MAJIN: variants seen among roughly 807,000 people sequenced by gnomAD.
MAJIN encodes membrane anchored junction protein, also known as membrane-anchored junction protein.
A neutral mutation model predicts 30.2 loss-of-function variants in MAJIN; 27 were observed. The ratio of observed to expected loss-of-function variants is 0.89; its 90% confidence interval spans 0.66 to 1.23. The LOEUF (loss-of-function observed/expected upper bound fraction) is 1.23. MAJIN is among the 50% of genes most tolerant of loss of function. The pLI, the probability that MAJIN is intolerant of heterozygous loss-of-function variation, is 0.00. For missense variants in MAJIN, 253 were observed against 260.3 expected (o/e 0.97, Z 0.19); for synonymous variants, 78 against 91.6 (o/e 0.85, Z 0.85).
At chr11:64,939,969 A>C in intron 9 of MAJIN, 1 of 471,344 alleles carries the variant, frequency 2.1e-6, no homozygotes, top group Non-Finnish European at 3.8e-6. Flanking sequence ...ATTTTCAGTC[A>C]AGCTCCTGGG....
chr11:64,966,335 G>GACC (rs895963018), intron 1 of MAJIN, among the ~76,000 whole-genome samples: 2 of 151,702 alleles, frequency 1.3e-5, no homozygotes, highest in African/African-American at 4.8e-5. Flanking sequence ...AGGAGTTCAA[G>GACC]ACCAGCCTGG....
At chr11:64,957,069 ATT>A (rs796423142) in intron 3 of MAJIN, among the ~76,000 whole-genome samples, 1 of 146,316 alleles carries the variant, frequency 6.8e-6, no homozygotes, top group African/African-American at 2.5e-5. Flanking sequence ...GCCTGGCCTG[ATT>A]TTTTTTTTCT....
chr11:64,971,060 C>T (rs1226699312), intron 1 of MAJIN, among the ~76,000 whole-genome samples: 1 of 151,908 alleles, frequency 6.6e-6, no homozygotes, highest in Non-Finnish European at 1.5e-5. Context: ...TTTGGGATGC[C>T]GAGGCGGGTG....
At chr11:64,960,183 A>G (rs749790156) in intron 1 of MAJIN, 48 bp from the exon 2 acceptor site, 1 of 152,190 alleles carries the variant, frequency 6.6e-6, no homozygotes, top group Admixed American at 6.5e-5. Flanking sequence ...ATAAATAATT[A>G]GAGGAGATCC....
intron 1 of MAJIN, among the ~76,000 whole-genome samples, chr11:64,969,311 T>C (rs1228094342): frequency 6.6e-6 from 1 of 152,080 alleles, no homozygotes; most frequent in Non-Finnish European, 1.5e-5. Context: ...CACCAGTGTT[T>C]AGATGGTATG....
intron 8 of MAJIN, chr11:64,946,121 C>T: frequency 6.5e-7 from 1 of 1,534,982 alleles, no homozygotes; most frequent in Non-Finnish European, 8.7e-7. Context: ...CTTCTTTTTG[C>T]TGGGGCCTTG....
chr11:64,955,052 C>T (rs1028329027), intron 3 of MAJIN, among the ~76,000 whole-genome samples: 2 of 152,226 alleles, frequency 1.3e-5, no homozygotes, highest in African/African-American at 4.8e-5. Context: ...TCATTGGTTA[C>T]AACAGTTGTA....
At chr11:64,938,978 G>A (rs1305096338) in intron 10 of MAJIN, among the ~76,000 whole-genome samples, 4 of 152,160 alleles carry the variant, frequency 2.6e-5, no homozygotes, top group Non-Finnish European at 4.4e-5. Context: ...TGTCCAGGCT[G>A]GAGTGCAATG....
rs776905673 is a variant in MAJIN at position 64,949,798 on chromosome 11, TG to T, written c.293del (p.Pro98HisfsTer10). 11 of 1,611,972 alleles carry T rather than the reference TG, an allele frequency of 6.8e-6. No homozygotes were observed. Among genetic ancestry groups the T allele is most frequent in the Non-Finnish European group, 9.3e-6 (11 of 1,179,566 alleles). On this transcript the variant is annotated frameshift_variant, in exon 6 of 11. Coordinates refer to ENST00000301896, the MANE Select transcript of MAJIN (RefSeq NM_001037225.3). LOFTEE classifies it high-confidence loss of function. ...TCTCCACATATAGAGTAAAAACAAA[TG>T]GGTAGGGGATCAAGATAATTTCCCC... ...KHGEIILIPY[P>X]FVFTLYVEMK...
intron 1 of MAJIN, among the ~76,000 whole-genome samples, chr11:64,966,310 G>A (rs1158584733): frequency 2.6e-5 from 4 of 152,052 alleles, no homozygotes; most frequent in Non-Finnish European, 5.9e-5. Flanking sequence ...CAAGGCAGGA[G>A]GATCACCTGA....
At chr11:64,958,184 A>ACC (rs36084476) in intron 3 of MAJIN, among the ~76,000 whole-genome samples, 411 of 148,898 alleles carry the variant, frequency 2.8e-3, no homozygotes, top group Middle Eastern at 6.8e-3. Context: ...CTCATGATTC[A>ACC]CCCCCCCGCC....
chr11:64,955,612 A>C (rs1474273223), intron 3 of MAJIN, among the ~76,000 whole-genome samples: 1 of 152,214 alleles, frequency 6.6e-6, no homozygotes, highest in African/African-American at 2.4e-5. Context: ...AGGCATGTCA[A>C]CTCAAGGAAA....
chr11:64,953,607 A>G (rs1189523530), intron 4 of MAJIN, among the ~76,000 whole-genome samples: 1 of 152,230 alleles, frequency 6.6e-6, no homozygotes, highest in Non-Finnish European at 1.5e-5. Flanking sequence ...CCTGGCCAAC[A>G]TGATGAAACC....
intron 4 of MAJIN, among the ~76,000 whole-genome samples, chr11:64,951,540 G>A (rs1333577823): frequency 6.6e-6 from 1 of 152,154 alleles, no homozygotes; most frequent in Non-Finnish European, 1.5e-5. Flanking sequence ...CAAGGCAGGT[G>A]GACTGCTTGA....
At chr11:64,940,835 C>CTTTTTTTTTTTTTTTTTTTTTTTTTTTTT (rs1168979344) in intron 8 of MAJIN, among the ~76,000 whole-genome samples, 189 bp from the exon 9 acceptor site, 1 of 88,564 alleles carries the variant, frequency 1.1e-5, no homozygotes, top group African/African-American at 4.9e-5. Flanking sequence ...TTTTTTCTTT[C>CTTTTTTTTTTTTTTTTTTTTTTTTTTTTT]TTTTTTTTTT....
intron 1 of MAJIN, among the ~76,000 whole-genome samples, chr11:64,961,403 G>T (rs1468766803): frequency 6.6e-6 from 1 of 151,032 alleles, no homozygotes; most frequent in African/African-American, 2.4e-5. Flanking sequence ...CTGACCTCAG[G>T]TGATCTGCCT....
At chr11:64,961,385 T>C (rs1945720892) in intron 1 of MAJIN, among the ~76,000 whole-genome samples, 1 of 151,876 alleles carries the variant, frequency 6.6e-6, no homozygotes, top group Non-Finnish European at 1.5e-5. Context: ...CAGACTGGTC[T>C]TGAAGTCCTG....
chr11:64,944,836 A>T (rs780431420), intron 8 of MAJIN, among the ~76,000 whole-genome samples: 1 of 152,226 alleles, frequency 6.6e-6, no homozygotes, highest in Non-Finnish European at 1.5e-5. Flanking sequence ...CATGGATACC[A>T]GCTAACAGCT....
intron 6 of MAJIN, among the ~76,000 whole-genome samples, chr11:64,948,115 C>A (rs1357008015): frequency 2.0e-5 from 3 of 152,042 alleles, no homozygotes; most frequent in Admixed American, 6.6e-5. Flanking sequence ...CCTGCCTTGG[C>A]CTCCCAAAGT....
Sources: gnomAD v4.1 joint callset for allele counts (sites outside exome capture counted in the v4.1 genomes callset) on GRCh38, gnomAD v4.1.1 for gene constraint, MANE v1.5 for transcripts, NCBI Gene and HGNC (gene_info 2026-07-23, HGNC 2026-07-21) for gene names.